The following GALNT17 variants were observed in gnomAD, a reference collection of about 807,000 sequenced individuals.
The protein encoded by GALNT17 is UDP-GalNAc:polypeptide N-acetylgalactosaminyltransferase-like 3.
Under a neutral mutation model 63.7 loss-of-function variants are expected in GALNT17, and 29 were observed. The observed-to-expected ratio is 0.46, with a 90% confidence interval of 0.34 to 0.62. The LOEUF (loss-of-function observed/expected upper bound fraction) is 0.62. Ranked by LOEUF, GALNT17 falls within the 20% of genes least tolerant of loss-of-function variation. GALNT17 has a pLI of 0.01. For synonymous variants in GALNT17, 305 were observed against 318.3 expected (o/e 0.96, Z 0.45); for missense variants, 603 against 799.6 (o/e 0.75, Z 2.97).
At chr7:71,442,344 C>T (rs1787083337) in intron 5 of GALNT17, among the ~76,000 whole-genome samples, 3 of 152,068 alleles carry the variant, frequency 2.0e-5, no homozygotes, top group Admixed American at 2.0e-4. Flanking sequence ...CTACGGGCGC[C>T]CGCCACCATG....
intron 6 of GALNT17, among the ~76,000 whole-genome samples, chr7:71,591,648 ATTGT>A (rs369221190): frequency 1.1e-4 from 17 of 151,116 alleles, no homozygotes; most frequent in Non-Finnish European, 2.1e-4. Context: ...GTCACTGTTG[ATTGT>A]TTGTTTGTTT....
intron 6 of GALNT17, among the ~76,000 whole-genome samples, chr7:71,644,105 G>A (rs905013283): frequency 6.6e-6 from 1 of 152,102 alleles, no homozygotes; most frequent in African/African-American, 2.4e-5. Flanking sequence ...GTTCCTGTGT[G>A]CATTTTAAAA....
At chr7:71,179,641 A>C (rs951890286) in intron 1 of GALNT17, among the ~76,000 whole-genome samples, 8 of 151,600 alleles carry the variant, frequency 5.3e-5, no homozygotes, top group African/African-American at 1.5e-4. Context: ...CATGGATTTC[A>C]TACACAGATT....
chr7:71,600,956 C>T (rs976378101), intron 6 of GALNT17, among the ~76,000 whole-genome samples: 1 of 152,024 alleles, frequency 6.6e-6, no homozygotes, highest in African/African-American at 2.4e-5. Flanking sequence ...TTGTATCATT[C>T]TATGCCTTTG....
intron 2 of GALNT17, among the ~76,000 whole-genome samples, chr7:71,382,772 G>T (rs536089240): frequency 6.6e-6 from 1 of 152,260 alleles, no homozygotes; most frequent in South Asian, 2.1e-4. Context: ...AGAAAGAGAA[G>T]GAATTGGGCA....
intron 5 of GALNT17, among the ~76,000 whole-genome samples, chr7:71,453,457 G>A (rs1038190289): frequency 1.3e-5 from 2 of 152,222 alleles, no homozygotes; most frequent in African/African-American, 4.8e-5. Context: ...AAAAAAGAAT[G>A]AGAACCAAGC....
chr7:71,248,423 T>A (rs909910780), intron 1 of GALNT17, among the ~76,000 whole-genome samples: 6 of 152,136 alleles, frequency 3.9e-5, no homozygotes, highest in African/African-American at 1.4e-4. Context: ...AATCCATGTA[T>A]AAGTGGACCC....
At chr7:71,693,184 G>C (rs998986563) in intron 9 of GALNT17, among the ~76,000 whole-genome samples, 1 of 145,938 alleles carries the variant, frequency 6.9e-6, no homozygotes, top group Non-Finnish European at 1.5e-5. Flanking sequence ...AATATAAATA[G>C]TGTGTGTGTA....
chr7:71,334,722 A>T (rs1791868086), intron 1 of GALNT17, among the ~76,000 whole-genome samples: 1 of 152,122 alleles, frequency 6.6e-6, no homozygotes, highest in Non-Finnish European at 1.5e-5. Context: ...CACTGTTATC[A>T]CCCGTGTGGG....
intron 7 of GALNT17, among the ~76,000 whole-genome samples, chr7:71,665,884 G>A (rs1790977728): frequency 1.3e-5 from 2 of 152,092 alleles, no homozygotes; most frequent in Admixed American, 1.3e-4. Flanking sequence ...CTGATGATAT[G>A]CTGTGTCCAG....
At chr7:71,142,548 A>G (rs1235189006) in intron 1 of GALNT17, among the ~76,000 whole-genome samples, 1 of 152,248 alleles carries the variant, frequency 6.6e-6, no homozygotes, top group Non-Finnish European at 1.5e-5. Context: ...ACTAGATGCT[A>G]AGAGTACAAT....
In GALNT17 at chr7:71,621,553, A is replaced by ATG. The variant is rs1790294336; in HGVS notation, c.1081-43858_1081-43857insTG. On this transcript the variant is annotated intron_variant, in intron 6 of 10. Transcript: ENST00000333538. ...TGGATGGATTGATGGATTGATGGAT[A>ATG]GATGGATGGATGGATGGATGGATGG... Among the ~76,000 whole-genome samples, 979 of 143,016 alleles carry ATG rather than the reference A, an allele frequency of 6.8e-3. 27 individuals carry two copies. Among genetic ancestry groups the ATG allele is most frequent in the Admixed American group, 0.024 (351 of 14,394 alleles). 93.8% of individuals were successfully genotyped at this position (143,016 alleles called of 152,430 possible).
intron 8 of GALNT17, among the ~76,000 whole-genome samples, chr7:71,670,844 A>C (rs1282710876): frequency 6.6e-6 from 1 of 151,950 alleles, no homozygotes; most frequent in Non-Finnish European, 1.5e-5. Context: ...TGGATACCAG[A>C]GATAACGTGT....
intron 5 of GALNT17, among the ~76,000 whole-genome samples, chr7:71,516,941 C>T (rs1788454843): frequency 6.6e-6 from 1 of 152,170 alleles, no homozygotes. Context: ...ACAACACCCT[C>T]AGTGGAATCT....
intron 5 of GALNT17, 26 bp from the exon 6 acceptor site, chr7:71,571,259 G>T: frequency 6.2e-6 from 10 of 1,606,340 alleles, no homozygotes; most frequent in South Asian, 3.3e-5. Flanking sequence ...ACCTCAATGA[G>T]CTTCCCTTCT....
chr7:71,558,013 G>T, intron 5 of GALNT17, among the ~76,000 whole-genome samples: 1 of 152,122 alleles, frequency 6.6e-6, no homozygotes, highest in East Asian at 1.9e-4. Context: ...GGCAGAGATT[G>T]CAGTGAGCTG....
chr7:71,132,811 A>T lies in GALNT17; in HGVS notation c.9A>T (p.Ser3=). The change falls in exon 1 of 11, where the codon TCA becomes TCT. Residue 3 remains serine (S), a synonymous_variant. Transcript: ENST00000333538. ...GCCGGCCGGGCTGTTTGATGGCTTCACTGAGAAGAGTCAAAGTGCTGTTGG... is the reference window on the plus strand; with the variant it reads ...GCCGGCCGGGCTGTTTGATGGCTTCTCTGAGAAGAGTCAAAGTGCTGTTGG... MA[S]LRRVKVLLVL... The T allele has an allele frequency of 6.2e-7, 1 of 1,605,554 alleles. No homozygotes were observed. Among genetic ancestry groups the T allele is most frequent in the African/African-American group, 1.3e-5 (1 of 74,618 alleles).
chr7:71,594,429 G>A (rs772818633), intron 6 of GALNT17, among the ~76,000 whole-genome samples: 6 of 151,962 alleles, frequency 3.9e-5, no homozygotes, highest in Non-Finnish European at 8.8e-5. Flanking sequence ...AGCTGGGACC[G>A]CAGGTGTGCA....
chr7:71,219,505 TTTTAA>T (rs1789545743), intron 1 of GALNT17, among the ~76,000 whole-genome samples: 2 of 152,240 alleles, frequency 1.3e-5, no homozygotes, highest in African/African-American at 2.4e-5. Flanking sequence ...TTTTTTGGTC[TTTTAA>T]TTTAATTTTC....
Sources: gnomAD v4.1 joint callset for allele counts (sites outside exome capture counted in the v4.1 genomes callset) on GRCh38, gnomAD v4.1.1 for gene constraint, MANE v1.5 for transcripts, NCBI Gene and HGNC (gene_info 2026-07-23, HGNC 2026-07-21) for gene names.